SDSL: variants seen among roughly 807,000 people sequenced by gnomAD.
The protein encoded by SDSL is serine dehydratase-like.
A neutral mutation model predicts 27.6 loss-of-function variants in SDSL; 26 were observed. The observed-to-expected ratio is 0.94, with a 90% confidence interval of 0.69 to 1.31. SDSL has a LOEUF of 1.31. Among genes scored for constraint, SDSL ranks in the 50% most tolerant of loss-of-function variants. The pLI, the probability that SDSL is intolerant of heterozygous loss-of-function variation, is 0.00. For missense variants in SDSL, 431 were observed against 423.5 expected, an observed-to-expected ratio of 1.02 and a Z score of -0.16; for synonymous variants, 196 against 180.6, an observed-to-expected ratio of 1.09 and a Z score of -0.69.
At chr12:113,432,508 T>G (rs1225500576) in intron 4 of SDSL, among the ~76,000 whole-genome samples, 1 of 150,934 alleles carries the variant, frequency 6.6e-6, no homozygotes, top group Non-Finnish European at 1.5e-5. Context: ...CACCCGGCTA[T>G]TTTTTTGTAT....
At chr12:113,436,215 A>G (rs1957990769) in intron 6 of SDSL, among the ~76,000 whole-genome samples, 2 of 152,076 alleles carry the variant, frequency 1.3e-5, no homozygotes, top group Admixed American at 1.3e-4. Flanking sequence ...GTATGATTTC[A>G]CCTTAATTTA....
chr12:113,428,350 A>G (rs995733279), intron 2 of SDSL, 70 bp from the exon 3 acceptor site: 11 of 1,501,648 alleles, frequency 7.3e-6, no homozygotes, highest in Non-Finnish European at 9.1e-6. Flanking sequence ...GGAGACTCTA[A>G]CGCCATTCCA....
At chr12:113,430,374 A>G (rs1416856184) in intron 4 of SDSL, among the ~76,000 whole-genome samples, 1 of 152,182 alleles carries the variant, frequency 6.6e-6, no homozygotes, top group African/African-American at 2.4e-5. Flanking sequence ...TTAATCAGCT[A>G]TTGTTGCTTG....
intron 7 of SDSL, 93 bp from the exon 8 acceptor site, chr12:113,437,793 A>T: frequency 8.8e-7 from 1 of 1,134,608 alleles, no homozygotes; most frequent in Non-Finnish European, 1.2e-6. Flanking sequence ...GGCTGGAGAG[A>T]TGGCTGCAAG....
At chr12:113,435,038 C>A (rs1387034951) in intron 5 of SDSL, among the ~76,000 whole-genome samples, 1 of 152,308 alleles carries the variant, frequency 6.6e-6, no homozygotes, top group Non-Finnish European at 1.5e-5. Flanking sequence ...TCGCTTGAAT[C>A]CAGGAAGTGG....
Position 113,429,227 on chromosome 12 carries a change from C to T in SDSL, c.282C>T (p.Leu94=), listed in dbSNP as rs775081354. ...RKLGIPATIV[L]PESTSLQVVQ... ...TGGGCATTCCTGCCACCATCGTGCT[C>T]CCCGAGAGCACCTCCCTGCAGGTGG... Residue 94 remains leucine, a synonymous_variant, in exon 4 of 8, where the codon CTC becomes CTT. Transcript: ENST00000403593. 19 of 1,613,852 alleles carry T rather than the reference C, an allele frequency of 1.2e-5. No homozygotes were observed. Among genetic ancestry groups the T allele is most frequent in the Middle Eastern group, 1.7e-4 (1 of 6,056 alleles).
At position 113,438,078 on chromosome 12, in the gene SDSL, G is replaced by C; in HGVS notation, c.989G>C (p.Ter330SerextTer64). The C allele has an allele frequency of 1.2e-6, 2 of 1,612,872 alleles. No individual in the cohort carries two copies. Among genetic ancestry groups the C allele is most frequent in the Non-Finnish European group, 1.7e-6 (2 of 1,179,416 alleles). The change falls in exon 8 of 8, where the codon TGA becomes TCA. Residue 330 changes from the stop codon to serine, a stop_lost. Transcript: ENST00000403593. ...QALKTHLGQV[*>S] ...TTGAAAACCCACCTGGGCCAGGTCT[G>C]AGGGGTCCCATCCTGGCCCCAAAGA...
intron 7 of SDSL, among the ~76,000 whole-genome samples, chr12:113,437,478 T>C (rs1002885170): frequency 6.6e-6 from 1 of 152,114 alleles, no homozygotes; most frequent in East Asian, 1.9e-4. Context: ...GACGGATTGA[T>C]GAATGGTATA....
At chr12:113,437,564 G>C (rs1165787691) in intron 7 of SDSL, among the ~76,000 whole-genome samples, 1 of 152,146 alleles carries the variant, frequency 6.6e-6, no homozygotes, top group African/African-American at 2.4e-5. Flanking sequence ...GATGGATAGA[G>C]GAATGGATGG....
intron 1 of SDSL, chr12:113,426,107 T>C: frequency 4.5e-6 from 2 of 448,374 alleles, no homozygotes; most frequent in Non-Finnish European, 9.0e-6. Context: ...AACCCCCTGC[T>C]GGCACCCTTG....
intron 4 of SDSL, among the ~76,000 whole-genome samples, chr12:113,430,894 C>T (rs915585605): frequency 2.0e-5 from 3 of 152,296 alleles, no homozygotes; most frequent in African/African-American, 4.8e-5. Context: ...ATAGTAAGAG[C>T]ATGTCTCTAA....
chr12:113,427,678 T>G (rs1342497880), intron 1 of SDSL, among the ~76,000 whole-genome samples: 1 of 152,184 alleles, frequency 6.6e-6, no homozygotes, highest in Non-Finnish European at 1.5e-5. Context: ...AGGAATGAAT[T>G]CTCCCACTCT....
intron 4 of SDSL, among the ~76,000 whole-genome samples, chr12:113,432,208 GCTTCTTTCTTTCTTT>G (rs1957930579): frequency 2.7e-5 from 4 of 149,724 alleles, no homozygotes; most frequent in Admixed American, 2.0e-4. Context: ...TTGTTTGTTT[GCTTCTTTCTTTCTTT>G]CTTTCTTTCT....
intron 4 of SDSL, among the ~76,000 whole-genome samples, chr12:113,432,195 GGTTT>G (rs751551205): frequency 9.2e-5 from 14 of 151,542 alleles, no homozygotes; most frequent in Admixed American, 1.3e-4. Context: ...CTGGCTGACA[GGTTT>G]GTTTGTTTGC....
intron 3 of SDSL, among the ~76,000 whole-genome samples, chr12:113,428,783 C>T (rs1957882891): frequency 6.6e-6 from 1 of 152,102 alleles, no homozygotes; most frequent in South Asian, 2.1e-4. Flanking sequence ...TGCTTTCCTG[C>T]ATATTAGCTT....
rs142567825 is a variant in SDSL at position 113,433,549 on chromosome 12, G to T, written c.355-585G>T. The stretch of plus-strand genomic sequence containing the variant: ...TGTAGAAATGAGTCAGGGAAGGGAA[G>T]AAAGCCTGTCAATGGTGTGTGAATG... On this transcript the variant is annotated intron_variant, in intron 4 of 7. Coordinates refer to ENST00000403593, the MANE Select transcript of SDSL (RefSeq NM_001304993.2). Among the ~76,000 whole-genome samples, 5 of 152,326 alleles carry T rather than the reference G, an allele frequency of 3.3e-5. No homozygotes were observed. The East Asian group carries it at 9.7e-4, about 29-fold the overall frequency.
At chr12:113,432,204 G>A (rs1957930187) in intron 4 of SDSL, among the ~76,000 whole-genome samples, 1 of 151,028 alleles carries the variant, frequency 6.6e-6, no homozygotes, top group Admixed American at 6.6e-5. Context: ...AGGTTTGTTT[G>A]TTTGCTTCTT....
At position 113,424,950 on chromosome 12, in the gene SDSL, G is replaced by T. The variant is rs1386133576; in HGVS notation, c.-22+2473G>T. On this transcript the variant is annotated intron_variant, in intron 1 of 7. Coordinates refer to ENST00000403593, the MANE Select transcript of SDSL (RefSeq NM_001304993.2). ...GGGGTTTCACCATGTTGGCCACGCT[G>T]GTCTTGAACTCCTGACCTCAAGGGA... Among the ~76,000 whole-genome samples the T allele has an allele frequency of 3.3e-5, 5 of 152,054 alleles. No individual in the cohort carries two copies. The East Asian group carries it at 9.6e-4, about 29-fold the overall frequency.
chr12:113,428,202 G>T, intron 2 of SDSL, 46 bp downstream of exon 2: 1 of 1,550,568 alleles, frequency 6.4e-7, no homozygotes. Context: ...TGTGCAGGAG[G>T]GAGGGAAGAG....
Sources: allele counts gnomAD v4.1 joint callset (sites outside exome capture counted in the v4.1 genomes callset), GRCh38; gene constraint gnomAD v4.1.1; transcripts MANE v1.5; gene names NCBI Gene and HGNC (gene_info 2026-07-23, HGNC 2026-07-21).